MID1: variants seen among roughly 807,000 people sequenced by gnomAD.
The protein encoded by MID1 is midline 1.
A neutral mutation model predicts 40.4 loss-of-function variants in MID1; 7 were observed. That is an observed-to-expected ratio of 0.17 (90% CI 0.10 to 0.33). The LOEUF (loss-of-function observed/expected upper bound fraction) is 0.33, where lower values mean the gene tolerates loss of function less well. Among genes scored for constraint, MID1 ranks in the 10% least tolerant of loss-of-function variants. The pLI is 1.00. For synonymous variants in MID1, 229 were observed against 221.2 expected, an observed-to-expected ratio of 1.04 and a Z score of -0.31; for missense variants, 367 against 558.5, an observed-to-expected ratio of 0.66 and a Z score of 3.46.
At chrX:10,572,187 TACACACACACAC>T (rs376684211) in intron 1 of MID1, among the ~76,000 whole-genome samples, 4 of 90,992 alleles carry the variant, frequency 4.4e-5, no homozygotes, top group Admixed American at 1.2e-4. Context: ...ATGTATCTAA[TACACACACACAC>T]ACACACACAC....
At chrX:10,726,464 C>T (rs752224691) in intron 1 of MID1, among the ~76,000 whole-genome samples, 154 of 109,401 alleles carry the variant, frequency 1.4e-3, no homozygotes, top group Non-Finnish European at 2.4e-3. Context: ...TTTAGGTATT[C>T]AGTCTGTAGC....
chrX:10,575,748 G>T (rs774019762), intron 1 of MID1, among the ~76,000 whole-genome samples: 1 of 111,015 alleles, frequency 9.0e-6, no homozygotes, highest in Non-Finnish European at 1.9e-5. Context: ...CTGAAAGACT[G>T]GAAATTGATA....
At chrX:10,778,226 G>A (rs1023570202) in intron 1 of MID1, among the ~76,000 whole-genome samples, 4 of 111,094 alleles carry the variant, frequency 3.6e-5, no homozygotes, top group African/African-American at 1.3e-4. Context: ...CCAGACACGT[G>A]AGGAATGTGT....
At chrX:10,536,974 G>A (rs1406426522) in intron 2 of MID1, among the ~76,000 whole-genome samples, 1 of 111,657 alleles carries the variant, frequency 9.0e-6, no homozygotes, top group Non-Finnish European at 1.9e-5. Flanking sequence ...GGGGTTATGA[G>A]CCAATGTCAT....
intron 8 of MID1, 120 bp from the exon 9 acceptor site, chrX:10,455,197 G>T: frequency 5.3e-6 from 3 of 566,937 alleles, no homozygotes; most frequent in Non-Finnish European, 9.0e-6. Context: ...CCCTCCCTGA[G>T]TCATGCCTCC....
At chrX:10,590,048 G>T (rs1040414326) in intron 1 of MID1, 2 of 110,942 alleles carry the variant, frequency 1.8e-5, no homozygotes, top group African/African-American at 6.6e-5. Context: ...GAGCAAGCAG[G>T]GGGTACGTGA....
At chrX:10,577,300 C>A (rs915454233) in intron 1 of MID1, among the ~76,000 whole-genome samples, 1 of 112,078 alleles carries the variant, frequency 8.9e-6, no homozygotes, top group African/African-American at 3.2e-5. Flanking sequence ...GGAACAGGCA[C>A]TAGACTCATT....
At chrX:10,467,257 G>A (rs909310088) in intron 7 of MID1, among the ~76,000 whole-genome samples, 2 of 111,879 alleles carry the variant, frequency 1.8e-5, no homozygotes, top group Non-Finnish European at 3.8e-5. Flanking sequence ...TGCACATGTA[G>A]AAAAATATTT....
At chrX:10,749,209 CA>C (rs2043582227) in intron 1 of MID1, among the ~76,000 whole-genome samples, 1 of 110,682 alleles carries the variant, frequency 9.0e-6, no homozygotes, top group African/African-American at 3.3e-5. Context: ...TCATAAACTG[CA>C]GACACTACAT....
chrX:10,490,254 C>T (rs991580965), intron 4 of MID1, among the ~76,000 whole-genome samples: 2 of 111,812 alleles, frequency 1.8e-5, no homozygotes, highest in Non-Finnish European at 3.8e-5. Context: ...TCAAGTCTCA[C>T]CCATCTTTTG....
intron 1 of MID1, among the ~76,000 whole-genome samples, chrX:10,573,555 C>A (rs893399879): frequency 1.8e-5 from 2 of 112,158 alleles, no homozygotes; most frequent in African/African-American, 6.5e-5. Flanking sequence ...CCAATGCCAC[C>A]ACATTGGGGA....
At chrX:10,728,190 T>C (rs916680) in intron 1 of MID1, among the ~76,000 whole-genome samples, 10,388 of 108,698 alleles carry the variant, frequency 0.096, 1,119 homozygotes, top group African/African-American at 0.32. Context: ...CATCAACTTT[T>C]CCCCCCCCAG....
intron 1 of MID1, among the ~76,000 whole-genome samples, chrX:10,793,570 C>A (rs2043948013): frequency 8.9e-6 from 1 of 112,110 alleles, no homozygotes. Context: ...CCACATTTGC[C>A]AGAGAGATCT....
chrX:10,519,894 G>A (rs1307096313), intron 3 of MID1, among the ~76,000 whole-genome samples: 1 of 112,133 alleles, frequency 8.9e-6, no homozygotes, highest in Non-Finnish European at 1.9e-5. Flanking sequence ...GGGAGCACTT[G>A]TAAGTAAAAG....
chrX:10,775,553 A>AT (rs2147129232), intron 1 of MID1, among the ~76,000 whole-genome samples: 1 of 112,553 alleles, frequency 8.9e-6, no homozygotes, highest in East Asian at 2.8e-4. Flanking sequence ...GTTTTCAGAT[A>AT]TCACATTGAG....
intron 2 of MID1, among the ~76,000 whole-genome samples, chrX:10,553,568 T>C (rs1934009490): frequency 8.9e-6 from 1 of 112,143 alleles, no homozygotes; most frequent in Non-Finnish European, 1.9e-5. Flanking sequence ...ACCAAGACTA[T>C]AAATTTACAT....
intron 1 of MID1, among the ~76,000 whole-genome samples, chrX:10,603,552 TC>T (rs1219007194): frequency 9.0e-6 from 1 of 111,697 alleles, no homozygotes; most frequent in African/African-American, 3.3e-5. Flanking sequence ...CATGGCTTGA[TC>T]CTAAAGGATA....
At chrX:10,767,406 C>T (rs1022012355) in intron 1 of MID1, among the ~76,000 whole-genome samples, 1 of 110,382 alleles carries the variant, frequency 9.1e-6, no homozygotes, top group African/African-American at 3.3e-5. Context: ...CTGCAAGCTC[C>T]GCCTCCCAGG....
At chrX:10,525,903 C>T (rs754822643) in intron 2 of MID1, among the ~76,000 whole-genome samples, 1 of 112,631 alleles carries the variant, frequency 8.9e-6, no homozygotes, top group African/African-American at 3.2e-5. Flanking sequence ...ATGTCATCTC[C>T]ACTTCTTGGG....
Sources: allele counts gnomAD v4.1 joint callset (sites outside exome capture counted in the v4.1 genomes callset), GRCh38; gene constraint gnomAD v4.1.1; transcripts MANE v1.5; gene names NCBI Gene and HGNC (gene_info 2026-07-23, HGNC 2026-07-21).